KLRG2: variants seen among roughly 807,000 people sequenced by gnomAD.
KLRG2 encodes the protein killer cell lectin-like receptor subfamily G member 2.
Under a neutral mutation model 35.4 loss-of-function variants are expected in KLRG2, and 39 were observed. The observed-to-expected ratio is 1.10, with a 90% CI of 0.85 to 1.44. The LOEUF (loss-of-function observed/expected upper bound fraction) is 1.44, where lower values mean the gene tolerates loss of function less well. Ranked by LOEUF, KLRG2 falls within the 40% of genes most tolerant of loss-of-function variation. The pLI is 0.00. For synonymous variants in KLRG2, 283 were observed against 265.8 expected, an observed-to-expected ratio of 1.06 and a Z score of -0.63; for missense variants, 632 against 570.9, an observed-to-expected ratio of 1.11 and a Z score of -1.09.
Position 139,481,085 on chromosome 7 carries a change from A to G in KLRG2, c.758-838T>C, listed in dbSNP as rs185341528. On this transcript the variant is annotated intron_variant, in intron 1 of 4. Coordinates refer to ENST00000340940, the MANE Select transcript of KLRG2 (RefSeq NM_198508.4). Reference sequence around the variant, plus strand: ...TGGAAGAGGAAGACAGGTGGTGAGCATCAGAAGTGGCAGCAGGAGGACTCT... The same window carrying G: ...TGGAAGAGGAAGACAGGTGGTGAGCGTCAGAAGTGGCAGCAGGAGGACTCT... Among the ~76,000 whole-genome samples the G allele has an allele frequency of 2.3e-3, 344 of 152,270 alleles. 2 individuals carry two copies. The highest frequency in any genetic ancestry group is 7.6e-3 in the African/African-American group (314 of 41,556).
chr7:139,459,209 T>C (rs1210100644), intron 3 of KLRG2, among the ~76,000 whole-genome samples: 1 of 152,208 alleles, frequency 6.6e-6, no homozygotes, highest in Non-Finnish European at 1.5e-5. Context: ...CCTCCCCCCA[T>C]TGGCAACAAG....
the KLRG2 span, among the ~76,000 whole-genome samples, chr7:139,432,271 A>C: frequency 1.3e-5 from 2 of 151,962 alleles, no homozygotes; most frequent in African/African-American, 4.8e-5. Context: ...CGGGAGGATC[A>C]CTGGCGCCCA....
At chr7:139,451,007 A>T (rs1585159248), downstream of KLRG2, among the ~76,000 whole-genome samples, 1 of 152,288 alleles carries the variant, frequency 6.6e-6, no homozygotes, top group Non-Finnish European at 1.5e-5. Context: ...GGAGAGCCGC[A>T]GGTGCAGGAG....
chr7:139,453,283 A>G lies in KLRG2; in HGVS notation c.*304T>C. 2.1e-6 allele frequency: 1 copy of G among 478,964 alleles called. No individual in the cohort carries two copies. Among genetic ancestry groups the G allele is most frequent in the Non-Finnish European group, 3.6e-6 (1 of 276,136 alleles). 29.7% of individuals were successfully genotyped at this position (478,964 alleles called of 1,614,324 possible). A position where few individuals can be genotyped will look rare whatever the true frequency, so the allele number is the denominator to read the frequency against. ...CTTTTTCCTCTAGGGGGAAATTGTCATTTTAATGAAACCAAGGCACAGAAA... is the reference window on the plus strand; with the variant it reads ...CTTTTTCCTCTAGGGGGAAATTGTCGTTTTAATGAAACCAAGGCACAGAAA... On this transcript the variant is annotated 3_prime_UTR_variant, in exon 5 of 5. Coordinates refer to ENST00000340940, the MANE Select transcript of KLRG2 (RefSeq NM_198508.4).
chr7:139,430,530 T>G, the KLRG2 span, among the ~76,000 whole-genome samples: 140 of 152,320 alleles, frequency 9.2e-4, no homozygotes, highest in African/African-American at 2.4e-3. Flanking sequence ...GCTAGTGGTG[T>G]TGTAACATGG....
chr7:139,441,467 G>C, the KLRG2 span, among the ~76,000 whole-genome samples: 3 of 151,708 alleles, frequency 2.0e-5, no homozygotes, highest in Non-Finnish European at 2.9e-5. Flanking sequence ...ACTGGGGCCT[G>C]TTGGTGGGTG....
At chr7:139,465,148 C>T (rs1024115739) in intron 3 of KLRG2, among the ~76,000 whole-genome samples, 8 of 152,226 alleles carry the variant, frequency 5.3e-5, no homozygotes, top group Non-Finnish European at 1.0e-4. Flanking sequence ...ATCTTCCACA[C>T]CTATCAGTGA....
At chr7:139,430,907 G>T in the KLRG2 span, among the ~76,000 whole-genome samples, 1 of 151,792 alleles carries the variant, frequency 6.6e-6, no homozygotes, top group Non-Finnish European at 1.5e-5. Context: ...TACTTGGGAG[G>T]CTGAGGCAGA....
Position 139,482,913 on chromosome 7 carries a change from T to G in KLRG2, c.730A>C (p.Lys244Gln). 6.7e-7 allele frequency: 1 copy of G among 1,492,572 alleles called. No homozygotes were observed. The highest frequency in any genetic ancestry group is 1.3e-5 in the South Asian group (1 of 77,618). The allele number at this position is 1,492,572 out of a possible 1,614,324, so 92.5% of individuals were successfully genotyped here. The change falls in exon 1 of 5, where the codon AAG becomes CAG. Residue 244 changes from lysine to glutamine, a missense_variant. Physicochemically the swap from Lys to Gln is moderately conservative, Grantham distance 53. Coordinates refer to ENST00000340940, the MANE Select transcript of KLRG2 (RefSeq NM_198508.4). ...GTAAGCGTTACGGCCCGGGGCAGCT[T>G]CTCGTCGCCGTCCAACCCCGCGCGG... is the stretch of plus-strand genomic sequence containing the variant. ...LPRAGLDGDE[K>Q]LPRAVTLTGL... is the part of the protein sequence containing the mutation.
intron 3 of KLRG2, among the ~76,000 whole-genome samples, chr7:139,460,763 G>C (rs1038847765): frequency 6.6e-6 from 1 of 151,154 alleles, no homozygotes; most frequent in Admixed American, 6.6e-5. Flanking sequence ...GTTTGAGACC[G>C]GCCTGGCTAA....
At chr7:139,466,559 C>T (rs553233259) in intron 3 of KLRG2, among the ~76,000 whole-genome samples, 1 of 152,036 alleles carries the variant, frequency 6.6e-6, no homozygotes, top group African/African-American at 2.4e-5. Context: ...TACTTTTATA[C>T]TCACTCTTAC....
intron 3 of KLRG2, among the ~76,000 whole-genome samples, chr7:139,475,455 T>C (rs1399292349): frequency 6.7e-6 from 1 of 149,364 alleles, no homozygotes; most frequent in Admixed American, 6.7e-5. Context: ...GGCGTGAAAC[T>C]GGGAGGTGGA....
intron 3 of KLRG2, among the ~76,000 whole-genome samples, chr7:139,454,553 T>C (rs1796426734): frequency 6.6e-6 from 1 of 151,880 alleles, no homozygotes; most frequent in Non-Finnish European, 1.5e-5. Context: ...CGGTGGCTCA[T>C]GCCTGTAATC....
chr7:139,457,596 G>A (rs1472118504), intron 3 of KLRG2, among the ~76,000 whole-genome samples: 1 of 152,282 alleles, frequency 6.6e-6, no homozygotes, highest in East Asian at 1.9e-4. Context: ...GGCAAAGCCT[G>A]TGACCTGCCT....
At chr7:139,468,741 G>GT (rs1796708718) in intron 3 of KLRG2, among the ~76,000 whole-genome samples, 1 of 152,160 alleles carries the variant, frequency 6.6e-6, no homozygotes, top group South Asian at 2.1e-4. Context: ...TTGGGATTCC[G>GT]TAAGTGTGAC....
intron 1 of KLRG2, among the ~76,000 whole-genome samples, chr7:139,480,991 G>A (rs574327617): frequency 7.3e-5 from 11 of 151,618 alleles, no homozygotes; most frequent in African/African-American, 1.2e-4. Context: ...TGATCCGCCC[G>A]CCTTGGCCTC....
chr7:139,477,422 G>A (rs1796869793), intron 3 of KLRG2, among the ~76,000 whole-genome samples: 1 of 152,174 alleles, frequency 6.6e-6, no homozygotes, highest in African/African-American at 2.4e-5. Flanking sequence ...TTCTCATACA[G>A]GCTACGACAC....
At chr7:139,431,866 G>A in the KLRG2 span, among the ~76,000 whole-genome samples, 2 of 152,080 alleles carry the variant, frequency 1.3e-5, no homozygotes, top group African/African-American at 4.8e-5. Context: ...GAAAGAAAGG[G>A]TTAGAAGCTA....
At chr7:139,460,729 C>A in intron 3 of KLRG2, among the ~76,000 whole-genome samples, 1 of 149,900 alleles carries the variant, frequency 6.7e-6, no homozygotes, top group Non-Finnish European at 1.5e-5. Flanking sequence ...GAGGCCAAGG[C>A]AGGCAGATCA....
Sources: allele counts gnomAD v4.1 joint callset (sites outside exome capture counted in the v4.1 genomes callset), GRCh38; gene constraint gnomAD v4.1.1; transcripts MANE v1.5; gene names NCBI Gene and HGNC (gene_info 2026-07-23, HGNC 2026-07-21).